Variants in GSTCD observed in about 807,000 individuals in gnomAD.
The protein encoded by GSTCD is glutathione S-transferase C-terminal domain containing, also known as glutathione S-transferase C-terminal domain-containing protein.
In GSTCD, 44 loss-of-function variants were observed where a neutral mutation model predicts 68.3. That is an observed-to-expected ratio of 0.64 (90% CI 0.51 to 0.83). GSTCD has a LOEUF of 0.83. Among genes scored for constraint, GSTCD ranks in the 40% least tolerant of loss-of-function variants. GSTCD has a pLI of 0.00. For synonymous variants in GSTCD, 273 were observed against 255.2 expected, an observed-to-expected ratio of 1.07 and a Z score of -0.67; for missense variants, 739 against 735.9, an observed-to-expected ratio of 1.00 and a Z score of -0.05.
At chr4:105,763,178 A>C (rs1365919834) in intron 5 of GSTCD, among the ~76,000 whole-genome samples, 1 of 152,138 alleles carries the variant, frequency 6.6e-6, no homozygotes, top group African/African-American at 2.4e-5. Context: ...CCTCCTAGAA[A>C]TTTGTCTGTT....
intron 5 of GSTCD, among the ~76,000 whole-genome samples, chr4:105,729,976 G>A (rs1733173991): frequency 6.6e-6 from 1 of 151,856 alleles, no homozygotes; most frequent in Non-Finnish European, 1.5e-5. Flanking sequence ...TCTCACCTAT[G>A]AGTGAGAACA....
rs1560791571 is a variant in GSTCD at position 105,717,909 on chromosome 4, ATT to A, written c.300_301del (p.Phe100LeufsTer2). The stretch of plus-strand genomic sequence containing the variant: ...CCTGCAGTAGTAGAACGATCAGACA[ATT>A]TTTGTAGAGCAGGACTTGCTGTTGT... On this transcript the variant is annotated frameshift_variant, in exon 2 of 12. Transcript: ENST00000515279. LOFTEE classifies it high-confidence loss of function. 1 of 1,614,130 alleles carries A rather than the reference ATT, an allele frequency of 6.2e-7. No individual in the cohort carries two copies. The highest frequency in any genetic ancestry group is 1.1e-5 in the South Asian group (1 of 91,086).
intron 3 of GSTCD, among the ~76,000 whole-genome samples, chr4:105,721,969 T>C (rs1732869999): frequency 1.3e-5 from 2 of 152,208 alleles, no homozygotes; most frequent in Non-Finnish European, 2.9e-5. Context: ...AAAATCCTAC[T>C]GTTCCAATAC....
intron 10 of GSTCD, among the ~76,000 whole-genome samples, chr4:105,838,794 A>T (rs1724221986): frequency 6.6e-6 from 1 of 152,246 alleles, no homozygotes; most frequent in South Asian, 2.1e-4. Context: ...AAATGATAAT[A>T]TTTGAGAAAA....
At chr4:105,822,891 C>A in intron 5 of GSTCD, 63 bp from the exon 6 acceptor site, 1 of 1,166,962 alleles carries the variant, frequency 8.6e-7, no homozygotes, top group Non-Finnish European at 1.3e-6. Flanking sequence ...CTATTTTAAG[C>A]GTGTCTTCTT....
intron 5 of GSTCD, among the ~76,000 whole-genome samples, chr4:105,765,426 T>C (rs1318708232): frequency 1.3e-5 from 2 of 152,174 alleles, no homozygotes; most frequent in Non-Finnish European, 2.9e-5. Flanking sequence ...GGAAGAAAAC[T>C]CTCTAGAAAG....
intron 3 of GSTCD, among the ~76,000 whole-genome samples, chr4:105,721,652 G>GT (rs964046976): frequency 9.3e-5 from 14 of 150,490 alleles, no homozygotes; most frequent in South Asian, 2.1e-4. Flanking sequence ...TGTTTTTTTT[G>GT]TTTTTTTTTA....
At position 105,828,026 on chromosome 4, in the gene GSTCD, C is replaced by G. The variant is rs559756088; in HGVS notation, c.1530+2226C>G. 4.6e-5 allele frequency among the ~76,000 whole-genome samples: 7 copies of G among 152,108 alleles called. No individual in the cohort carries two copies. In the East Asian group the frequency reaches 1.2e-3, roughly 25 times the overall value. ...GCTCATTTTGCATTAAAAACAAAAACCGTATCAAGGCTAAACAGCCTGCCA... is the reference window on the plus strand; with the variant it reads ...GCTCATTTTGCATTAAAAACAAAAAGCGTATCAAGGCTAAACAGCCTGCCA... On this transcript the variant is annotated intron_variant, in intron 8 of 11. Coordinates refer to ENST00000515279, the MANE Select transcript of GSTCD (RefSeq NM_001370181.1).
rs576133488 is a variant in GSTCD, at chr4:105,773,882, A to G, written c.1240+44383A>G. 3.9e-5 allele frequency among the ~76,000 whole-genome samples: 6 copies of G among 152,296 alleles called. No homozygotes were observed. The South Asian group carries it at 1.2e-3, about 32-fold the overall frequency. Reference sequence around the variant, plus strand: ...GATGTTTATTAGGTTCGCTTGGTCCAGAGCTGAGTTCAAATTTTGAATATC... The same window carrying G: ...GATGTTTATTAGGTTCGCTTGGTCCGGAGCTGAGTTCAAATTTTGAATATC... On this transcript the variant is annotated intron_variant, in intron 5 of 11. Transcript: ENST00000515279.
chr4:105,810,354 G>A (rs1409752559), intron 5 of GSTCD, among the ~76,000 whole-genome samples: 3 of 152,026 alleles, frequency 2.0e-5, no homozygotes, highest in Non-Finnish European at 4.4e-5. Flanking sequence ...TGGTTTGTTT[G>A]AACGAGTGAG....
At chr4:105,771,161 T>A (rs1482067348) in intron 5 of GSTCD, among the ~76,000 whole-genome samples, 1 of 152,202 alleles carries the variant, frequency 6.6e-6, no homozygotes, top group African/African-American at 2.4e-5. Flanking sequence ...GTTGGCCACA[T>A]AAATGTCTTC....
chr4:105,839,891 C>A (rs1264346379), intron 10 of GSTCD, among the ~76,000 whole-genome samples: 2 of 152,156 alleles, frequency 1.3e-5, no homozygotes, highest in Non-Finnish European at 2.9e-5. Flanking sequence ...ACAGGGCACA[C>A]AGAGTCTTTC....
At chr4:105,829,582 G>T (rs1050296102) in intron 8 of GSTCD, among the ~76,000 whole-genome samples, 1 of 152,098 alleles carries the variant, frequency 6.6e-6, no homozygotes, top group Admixed American at 6.5e-5. Context: ...TTTATAAAAC[G>T]ATCAGATTTC....
In GSTCD at chr4:105,726,842, T is replaced by A; in HGVS notation, c.1146+12T>A. ...TGGCCAAGTTAATGGTACTTAATTATTAACATTTTCTTTGAAAAATTCTAT... is the reference window on the plus strand; with the variant it reads ...TGGCCAAGTTAATGGTACTTAATTAATAACATTTTCTTTGAAAAATTCTAT... On this transcript the variant is annotated intron_variant, in intron 4 of 11. Transcript: ENST00000515279. 1 of 1,574,364 alleles carries A rather than the reference T, an allele frequency of 6.4e-7. No homozygotes were observed. Among genetic ancestry groups the A allele is most frequent in the Non-Finnish European group, 8.6e-7 (1 of 1,161,238 alleles).
chr4:105,812,662 T>TA (rs1163113585), intron 5 of GSTCD, among the ~76,000 whole-genome samples: 39 of 152,038 alleles, frequency 2.6e-4, no homozygotes, highest in African/African-American at 7.2e-4. Flanking sequence ...AATATATATA[T>TA]TTTTTTTACT....
At chr4:105,750,088 A>G (rs905432384) in intron 5 of GSTCD, among the ~76,000 whole-genome samples, 1 of 152,252 alleles carries the variant, frequency 6.6e-6, no homozygotes, top group Admixed American at 6.5e-5. Flanking sequence ...CTTCTATTTT[A>G]TCAATTAATA....
chr4:105,716,944 A>G (rs1732699107), intron 1 of GSTCD, among the ~76,000 whole-genome samples: 1 of 152,150 alleles, frequency 6.6e-6, no homozygotes, highest in Non-Finnish European at 1.5e-5. Context: ...GTGAAGGAAA[A>G]GAATGGTGTA....
In GSTCD at chr4:105,726,804, C is replaced by G. The variant is rs763186621; in HGVS notation, c.1120C>G (p.Pro374Ala). 6.8e-6 allele frequency: 11 copies of G among 1,610,646 alleles called. No homozygotes were observed. The highest frequency in any genetic ancestry group is 1.3e-5 in the African/African-American group (1 of 74,800). ...EQSDPLFIGG[P>A]RPTMAKLMEK... ...AAGCGATCCTTTATTTATAGGAGGA[C>G]CAAGACCAACCATGGCCAAGTTAAT... Residue 374 changes from proline (P) to alanine (A), a missense_variant, in exon 4 of 12, where the codon CCA (proline) becomes GCA (alanine). Physicochemically the swap from Pro to Ala is conservative, Grantham distance 27. Coordinates refer to ENST00000515279, the MANE Select transcript of GSTCD (RefSeq NM_001370181.1).
At chr4:105,736,300 T>A (rs1733461625) in intron 5 of GSTCD, among the ~76,000 whole-genome samples, 1 of 152,178 alleles carries the variant, frequency 6.6e-6, no homozygotes, top group African/African-American at 2.4e-5. Context: ...TGAATTCATT[T>A]GGGGTTACCT....
Sources: allele counts gnomAD v4.1 joint callset (sites outside exome capture counted in the v4.1 genomes callset), GRCh38; gene constraint gnomAD v4.1.1; transcripts MANE v1.5; gene names NCBI Gene and HGNC (gene_info 2026-07-23, HGNC 2026-07-21).